The following MED12L variants were observed in gnomAD, a reference collection of about 807,000 sequenced individuals.
MED12L encodes mediator of RNA polymerase II transcription subunit 12-like protein.
In MED12L, 60 loss-of-function variants were observed where a neutral mutation model predicts 281.3. That is an observed-to-expected ratio of 0.21 (90% CI 0.17 to 0.26). MED12L has a LOEUF of 0.26. MED12L is among the 10% of genes least tolerant of loss of function. MED12L has a pLI of 1.00. For missense variants in MED12L, 2,146 were observed against 2,680.9 expected, an observed-to-expected ratio of 0.80 and a Z score of 4.41; for synonymous variants, 974 against 987.2, an observed-to-expected ratio of 0.99 and a Z score of 0.25.
intron 16 of MED12L, among the ~76,000 whole-genome samples, chr3:151,341,577 T>TTA (rs1751825786): frequency 6.6e-6 from 1 of 150,984 alleles, no homozygotes; most frequent in African/African-American, 2.5e-5. Context: ...TTTTTTTTTT[T>TTA]AATTTTATTA....
intron 16 of MED12L, among the ~76,000 whole-genome samples, chr3:151,274,612 C>T (rs929165148): frequency 6.6e-6 from 1 of 152,196 alleles, no homozygotes; most frequent in African/African-American, 2.4e-5. Context: ...TATCAGCTCC[C>T]AGCTGGATTA....
chr3:151,391,374 G>A (rs931172193), intron 38 of MED12L, among the ~76,000 whole-genome samples: 3 of 151,998 alleles, frequency 2.0e-5, no homozygotes, highest in African/African-American at 4.8e-5. Flanking sequence ...GCCTGTCTCC[G>A]TTGGGCTTGG....
At chr3:151,134,163 C>A (rs1715791123) in intron 5 of MED12L, among the ~76,000 whole-genome samples, 1 of 151,272 alleles carries the variant, frequency 6.6e-6, no homozygotes, top group Non-Finnish European at 1.5e-5. Context: ...CATGGGAATG[C>A]CCCATCCCTT....
intron 5 of MED12L, among the ~76,000 whole-genome samples, chr3:151,151,068 A>C (rs1447407387): frequency 7.1e-5 from 1 of 14,002 alleles, no homozygotes; most frequent in African/African-American, 2.6e-4. Context: ...ATAGAGTCTC[A>C]TTGTGTTGCC....
chr3:151,305,811 A>G (rs1266324161), intron 16 of MED12L, among the ~76,000 whole-genome samples: 1 of 152,212 alleles, frequency 6.6e-6, no homozygotes, highest in African/African-American at 2.4e-5. Context: ...GGAACTGCTA[A>G]TCTTCCAAAC....
rs1266073320 is a variant in MED12L, at chr3:151,367,666, T to C, written c.3348T>C (p.His1116=). The part of the protein sequence containing the change: ...CTVDVSDLSF[H]DSLATFIAIL... ...TGAAGGTGAGTGACCTTTCATTCCATGATTCATTAGCTACTTTCATTGCTA... is the reference window on the plus strand; with the variant it reads ...TGAAGGTGAGTGACCTTTCATTCCACGATTCATTAGCTACTTTCATTGCTA... Residue 1116 remains histidine (H), a synonymous_variant, in exon 24 of 45, where the codon CAT becomes CAC. Transcript: ENST00000687756. 2 of 1,607,920 alleles carry C rather than the reference T, an allele frequency of 1.2e-6. No individual in the cohort carries two copies. Among genetic ancestry groups the C allele is most frequent in the Non-Finnish European group, 1.7e-6 (2 of 1,176,230 alleles).
At chr3:151,401,683 C>T (rs1715701014) in intron 39 of MED12L, among the ~76,000 whole-genome samples, 1 of 152,132 alleles carries the variant, frequency 6.6e-6, no homozygotes. Flanking sequence ...CTTGTTGAAA[C>T]ATATTTTGAG....
chr3:151,154,241 A>G (rs1718957707), intron 5 of MED12L, among the ~76,000 whole-genome samples: 2 of 152,206 alleles, frequency 1.3e-5, no homozygotes, highest in African/African-American at 4.8e-5. Flanking sequence ...ACTTTAAGTC[A>G]GTTAAATACA....
chr3:151,139,000 C>T (rs781476152), intron 5 of MED12L, among the ~76,000 whole-genome samples: 238 of 92,362 alleles, frequency 2.6e-3, no homozygotes, highest in Non-Finnish European at 4.3e-3. Context: ...TACCTACCTA[C>T]CTGCCTACCT....
intron 5 of MED12L, among the ~76,000 whole-genome samples, chr3:151,135,016 C>T (rs974170905): frequency 1.3e-5 from 2 of 152,112 alleles, no homozygotes; most frequent in African/African-American, 4.8e-5. Flanking sequence ...GGATAATTGA[C>T]AGTACTTATT....
At chr3:151,353,518 A>C (rs912299424) in intron 17 of MED12L, among the ~76,000 whole-genome samples, 1 of 152,230 alleles carries the variant, frequency 6.6e-6, no homozygotes, top group Non-Finnish European at 1.5e-5. Context: ...CAGCACCTTT[A>C]AATTCTGATG....
chr3:151,288,382 AT>A (rs1743831066), intron 16 of MED12L, among the ~76,000 whole-genome samples: 4 of 152,132 alleles, frequency 2.6e-5, no homozygotes, highest in African/African-American at 9.7e-5. Flanking sequence ...CACCAGCCTA[AT>A]TTTTCCAAGT....
chr3:151,248,107 G>A (rs920513360), intron 16 of MED12L, among the ~76,000 whole-genome samples: 5 of 150,438 alleles, frequency 3.3e-5, no homozygotes, highest in African/African-American at 1.2e-4. Context: ...AATATTCCTT[G>A]TCCTTGCCAT....
chr3:151,173,434 A>C (rs545358743), intron 11 of MED12L, among the ~76,000 whole-genome samples: 90 of 152,318 alleles, frequency 5.9e-4, no homozygotes, highest in African/African-American at 2.1e-3. Context: ...AACAAGTTTC[A>C]GATGTAATTT....
At chr3:151,144,923 A>G (rs943633457) in intron 5 of MED12L, among the ~76,000 whole-genome samples, 1 of 152,088 alleles carries the variant, frequency 6.6e-6, no homozygotes, top group East Asian at 1.9e-4. Flanking sequence ...GGTTGGAGAG[A>G]TGCTACTTTC....
At chr3:151,131,332 G>A (rs1359808246) in intron 5 of MED12L, among the ~76,000 whole-genome samples, 2 of 152,186 alleles carry the variant, frequency 1.3e-5, no homozygotes, top group Non-Finnish European at 2.9e-5. Context: ...CAGGCATGGT[G>A]GCTCATGCCT....
intron 16 of MED12L, among the ~76,000 whole-genome samples, chr3:151,232,688 A>C (rs1414646775): frequency 6.6e-6 from 1 of 152,224 alleles, no homozygotes; most frequent in Non-Finnish European, 1.5e-5. Context: ...ACAAAGGAAC[A>C]GAAAACCAAA....
intron 16 of MED12L, among the ~76,000 whole-genome samples, chr3:151,275,173 G>A (rs950463444): frequency 3.3e-5 from 5 of 152,086 alleles, no homozygotes; most frequent in African/African-American, 1.2e-4. Context: ...GAAAATAATT[G>A]CGTGTGTATG....
intron 16 of MED12L, among the ~76,000 whole-genome samples, chr3:151,298,770 A>C (rs1745462321): frequency 6.6e-6 from 1 of 152,212 alleles, no homozygotes; most frequent in Non-Finnish European, 1.5e-5. Context: ...CTTTGTAGCC[A>C]GATATAGCAC....
Sources: allele counts gnomAD v4.1 joint callset (sites outside exome capture counted in the v4.1 genomes callset), GRCh38; gene constraint gnomAD v4.1.1; transcripts MANE v1.5; gene names NCBI Gene and HGNC (gene_info 2026-07-23, HGNC 2026-07-21).